ELMO1: variants seen among roughly 807,000 people sequenced by gnomAD.
ELMO1 encodes engulfment and cell motility 1, also known as engulfment and cell motility protein 1.
Under a neutral mutation model 98.9 loss-of-function variants are expected in ELMO1, and 26 were observed. The ratio of observed to expected loss-of-function variants is 0.26; its 90% CI spans 0.19 to 0.36. ELMO1 has a LOEUF of 0.36. ELMO1 is among the 10% of genes least tolerant of loss of function. ELMO1 has a pLI of 1.00. For synonymous variants in ELMO1, 346 were observed against 346.0 expected (o/e 1.00, Z 0.00); for missense variants, 627 against 935.2 (o/e 0.67, Z 4.30).
intron 2 of ELMO1, among the ~76,000 whole-genome samples, chr7:37,322,842 ACC>A (rs1562613465): frequency 6.6e-6 from 1 of 152,088 alleles, no homozygotes; most frequent in Non-Finnish European, 1.5e-5. Context: ...TGGTATTGAG[ACC>A]AAATTATTTT....
chr7:37,392,886 CTG>C (rs1803140052), intron 1 of ELMO1, among the ~76,000 whole-genome samples: 1 of 152,188 alleles, frequency 6.6e-6, no homozygotes, highest in Admixed American at 6.5e-5. Context: ...TGGGAGGTAA[CTG>C]TGCTCCCCTG....
chr7:37,319,045 T>G lies in ELMO1; in HGVS notation c.79-3085A>C, dbSNP rs61141603. The stretch of plus-strand genomic sequence containing the variant: ...GATTTCTTTTCTCCTCTTTTCTGCT[T>G]TTATTTAATCAGTCAGTTCCTCATG... On this transcript the variant is annotated intron_variant, in intron 2 of 21. Transcript: ENST00000310758. Among the ~76,000 whole-genome samples, 170 of 151,690 alleles carry G rather than the reference T, an allele frequency of 1.1e-3. 7 individuals carry two copies. The East Asian group carries it at 0.03, about 27-fold the overall frequency.
At chr7:37,035,451 G>A (rs930439003) in intron 15 of ELMO1, among the ~76,000 whole-genome samples, 4 of 152,128 alleles carry the variant, frequency 2.6e-5, no homozygotes, top group Non-Finnish European at 5.9e-5. Flanking sequence ...AGATTAAAAC[G>A]TATTTCATAA....
intron 10 of ELMO1, among the ~76,000 whole-genome samples, chr7:37,217,151 C>T (rs1228997735): frequency 6.6e-6 from 1 of 152,162 alleles, no homozygotes; most frequent in Non-Finnish European, 1.5e-5. Flanking sequence ...GTGAGTAATA[C>T]ATATACCAGG....
At chr7:37,067,418 G>T (rs375649269) in intron 15 of ELMO1, among the ~76,000 whole-genome samples, 1 of 152,156 alleles carries the variant, frequency 6.6e-6, no homozygotes, top group African/African-American at 2.4e-5. Context: ...AACAAAGAGC[G>T]ACAGAAATGC....
At chr7:37,050,807 G>A (rs933167566) in intron 15 of ELMO1, among the ~76,000 whole-genome samples, 15 of 139,764 alleles carry the variant, frequency 1.1e-4, no homozygotes, top group Non-Finnish European at 2.1e-4. Context: ...TAGAAGCCAA[G>A]TTCAAAGGTT....
chr7:37,045,199 C>T (rs1335215363), intron 15 of ELMO1, among the ~76,000 whole-genome samples: 3 of 152,178 alleles, frequency 2.0e-5, no homozygotes, highest in Admixed American at 2.0e-4. Flanking sequence ...AAAAGGACAT[C>T]AGATAAAAAC....
intron 13 of ELMO1, among the ~76,000 whole-genome samples, chr7:37,198,431 C>T (rs1056967235): frequency 1.3e-5 from 2 of 152,238 alleles, no homozygotes; most frequent in African/African-American, 4.8e-5. Flanking sequence ...CTTCTCAGAA[C>T]TTAACATCAA....
chr7:36,907,530 T>A (rs1302878591), intron 16 of ELMO1, among the ~76,000 whole-genome samples: 4 of 152,206 alleles, frequency 2.6e-5, no homozygotes, highest in African/African-American at 9.6e-5. Flanking sequence ...TCCTCAGTCG[T>A]GTGAAGTCAG....
intron 16 of ELMO1, among the ~76,000 whole-genome samples, chr7:36,977,421 A>G (rs772850175): frequency 5.9e-5 from 9 of 152,202 alleles, no homozygotes; most frequent in Non-Finnish European, 1.0e-4. Flanking sequence ...AGATCACCAC[A>G]CACAGTGGAT....
At chr7:37,121,257 G>A (rs1053832173) in intron 14 of ELMO1, among the ~76,000 whole-genome samples, 9 of 152,182 alleles carry the variant, frequency 5.9e-5, no homozygotes, top group African/African-American at 2.2e-4. Flanking sequence ...CACCAGCAAC[G>A]GAACAAAGCT....
intron 16 of ELMO1, among the ~76,000 whole-genome samples, chr7:36,944,180 T>C (rs1014666546): frequency 2.6e-5 from 4 of 152,120 alleles, no homozygotes; most frequent in Non-Finnish European, 5.9e-5. Context: ...GACATGAACA[T>C]AGAAAGGCTA....
At chr7:37,423,727 T>A (rs1026284897) in intron 1 of ELMO1, among the ~76,000 whole-genome samples, 2 of 152,208 alleles carry the variant, frequency 1.3e-5, no homozygotes, top group African/African-American at 4.8e-5. Flanking sequence ...GCTTTATGGA[T>A]CATACCAAAA....
At chr7:36,904,437 A>C (rs1452251810) in intron 16 of ELMO1, among the ~76,000 whole-genome samples, 1 of 152,108 alleles carries the variant, frequency 6.6e-6, no homozygotes, top group Non-Finnish European at 1.5e-5. Flanking sequence ...TCTGATCATA[A>C]TCCAAAACAG....
At chr7:37,213,482 A>AT in intron 11 of ELMO1, 25 bp from the exon 12 acceptor site, 1 of 1,590,352 alleles carries the variant, frequency 6.3e-7, no homozygotes, top group Non-Finnish European at 8.6e-7. Flanking sequence ...CACAAATGAA[A>AT]TTTTTTAAAA....
chr7:36,968,543 T>C (rs973414583), intron 16 of ELMO1, among the ~76,000 whole-genome samples: 2 of 152,194 alleles, frequency 1.3e-5, no homozygotes, highest in East Asian at 1.9e-4. Context: ...CACTGGCATA[T>C]TGCCACCCAT....
intron 13 of ELMO1, among the ~76,000 whole-genome samples, chr7:37,153,881 G>C (rs934042819): frequency 5.9e-5 from 9 of 152,160 alleles, no homozygotes; most frequent in Non-Finnish European, 1.5e-5. Context: ...CGAGTAGCCT[G>C]ACTAGAAGAC....
intron 5 of ELMO1, among the ~76,000 whole-genome samples, chr7:37,262,893 G>C (rs751682457): frequency 3.3e-5 from 5 of 152,196 alleles, no homozygotes; most frequent in Admixed American, 6.6e-5. Context: ...ACTGTGATGA[G>C]ATCATGTTTA....
intron 4 of ELMO1, among the ~76,000 whole-genome samples, chr7:37,298,370 G>A (rs1471895548): frequency 7.3e-6 from 1 of 137,150 alleles, no homozygotes; most frequent in Non-Finnish European, 1.5e-5. Flanking sequence ...AGTTACATAT[G>A]TATACATGTG....
Sources: gnomAD v4.1 joint callset for allele counts (sites outside exome capture counted in the v4.1 genomes callset) on GRCh38, gnomAD v4.1.1 for gene constraint, MANE v1.5 for transcripts, NCBI Gene and HGNC (gene_info 2026-07-23, HGNC 2026-07-21) for gene names.